The following SLC25A26 variants were observed in gnomAD, a reference collection of about 807,000 sequenced individuals.
The protein encoded by SLC25A26 is solute carrier family 25 member 26.
A neutral mutation model predicts 37.8 loss-of-function variants in SLC25A26; 36 were observed. The observed-to-expected ratio is 0.95, with a 90% CI of 0.73 to 1.26. SLC25A26 has a LOEUF of 1.26. Among genes scored for constraint, SLC25A26 ranks in the 50% most tolerant of loss-of-function variants. SLC25A26 has a pLI of 0.00. For missense variants in SLC25A26, 390 were observed against 331.1 expected, an observed-to-expected ratio of 1.18 and a Z score of -1.38; for synonymous variants, 129 against 122.5, an observed-to-expected ratio of 1.05 and a Z score of -0.35.
chr3:66,295,634 T>C (rs1410113029), intron 5 of SLC25A26, among the ~76,000 whole-genome samples: 1 of 151,640 alleles, frequency 6.6e-6, no homozygotes, highest in African/African-American at 2.4e-5. Context: ...ATCTCCTGAC[T>C]TCGTGATCCG....
chr3:66,311,193 T>G (rs1362929659), intron 5 of SLC25A26, among the ~76,000 whole-genome samples: 2 of 152,086 alleles, frequency 1.3e-5, no homozygotes, highest in Non-Finnish European at 2.9e-5. Context: ...TTCGTTCCTT[T>G]TCATTATTTT....
intron 7 of SLC25A26, among the ~76,000 whole-genome samples, chr3:66,365,597 C>G (rs537091650): frequency 6.6e-6 from 1 of 152,134 alleles, no homozygotes; most frequent in African/African-American, 2.4e-5. Context: ...TGTACATTCT[C>G]TAGGAGAGAA....
chr3:66,147,257 G>C (rs2070133436), intron 1 of SLC25A26, among the ~76,000 whole-genome samples: 1 of 150,938 alleles, frequency 6.6e-6, no homozygotes, highest in African/African-American at 2.4e-5. Flanking sequence ...TCAACCTCCT[G>C]GGTTCAAGCG....
intron 1 of SLC25A26, among the ~76,000 whole-genome samples, chr3:66,138,542 C>T (rs551995719): frequency 1.3e-4 from 19 of 149,330 alleles, no homozygotes; most frequent in South Asian, 8.5e-4. Flanking sequence ...CTTTCTTTCC[C>T]ATCTGTCATG....
At chr3:66,277,943 A>G (rs1294031687) in intron 5 of SLC25A26, among the ~76,000 whole-genome samples, 1 of 152,132 alleles carries the variant, frequency 6.6e-6, no homozygotes, top group Non-Finnish European at 1.5e-5. Flanking sequence ...ATAAAGAAAG[A>G]TGAAAGAACT....
intron 1 of SLC25A26, among the ~76,000 whole-genome samples, chr3:66,153,407 C>T (rs1488987841): frequency 6.6e-6 from 1 of 152,138 alleles, no homozygotes. Context: ...CTTTATTGCC[C>T]TTAAGAATTA....
At chr3:66,274,558 A>G (rs1449030690) in intron 5 of SLC25A26, among the ~76,000 whole-genome samples, 4 of 152,240 alleles carry the variant, frequency 2.6e-5, no homozygotes, top group Admixed American at 2.0e-4. Flanking sequence ...TTACAAGAAA[A>G]AAACAAACAA....
At chr3:66,220,309 G>A (rs1268413026), upstream of SLC25A26, among the ~76,000 whole-genome samples, 3 of 152,170 alleles carry the variant, frequency 2.0e-5, no homozygotes, top group Non-Finnish European at 2.9e-5. Context: ...GATGTAGTTG[G>A]CCCTTAATAT....
At chr3:66,313,938 T>C (rs944721479) in intron 5 of SLC25A26, among the ~76,000 whole-genome samples, 6 of 152,168 alleles carry the variant, frequency 3.9e-5, no homozygotes, top group African/African-American at 1.4e-4. Context: ...AGTTCGTGTA[T>C]AGGAATGCTT....
intron 6 of SLC25A26, among the ~76,000 whole-genome samples, chr3:66,355,799 C>T (rs1268605175): frequency 5.3e-5 from 8 of 152,186 alleles, no homozygotes; most frequent in Admixed American, 5.2e-4. Flanking sequence ...ATCATTGTCT[C>T]CTGTCTTTAA....
chr3:66,199,742 C>T (rs907898362), intron 1 of SLC25A26, among the ~76,000 whole-genome samples: 8 of 151,924 alleles, frequency 5.3e-5, no homozygotes, highest in Non-Finnish European at 1.0e-4. Context: ...TGATCCTGAC[C>T]CCCAGCTGCA....
At chr3:66,317,192 T>G (rs1263029373) in intron 5 of SLC25A26, among the ~76,000 whole-genome samples, 2 of 152,226 alleles carry the variant, frequency 1.3e-5, no homozygotes, top group East Asian at 1.9e-4. Flanking sequence ...GCCCTCTGAC[T>G]TTTTGAGTTT....
chr3:66,314,361 C>G (rs1348374307), intron 5 of SLC25A26, among the ~76,000 whole-genome samples: 1 of 152,046 alleles, frequency 6.6e-6, no homozygotes, highest in Non-Finnish European at 1.5e-5. Context: ...TTTTCTGTGT[C>G]TATTGAGATA....
At chr3:66,227,819 G>T (rs1553661318) in intron 1 of SLC25A26, among the ~76,000 whole-genome samples, 1 of 152,142 alleles carries the variant, frequency 6.6e-6, no homozygotes, top group Non-Finnish European at 1.5e-5. Flanking sequence ...AACAATGTGG[G>T]TTATGATGGC....
intron 5 of SLC25A26, among the ~76,000 whole-genome samples, chr3:66,280,077 G>T (rs900433688): frequency 6.6e-6 from 1 of 152,118 alleles, no homozygotes; most frequent in African/African-American, 2.4e-5. Flanking sequence ...TCACACAATG[G>T]TTTTCCAAGG....
At chr3:66,272,757 C>T (rs909118607) in intron 5 of SLC25A26, among the ~76,000 whole-genome samples, 19 of 152,254 alleles carry the variant, frequency 1.2e-4, no homozygotes, top group African/African-American at 4.6e-4. Context: ...ATTTGACTTC[C>T]TCTCTTCCTA....
At chr3:66,360,475 T>G (rs1465641682) in intron 6 of SLC25A26, among the ~76,000 whole-genome samples, 1 of 152,144 alleles carries the variant, frequency 6.6e-6, no homozygotes, top group Non-Finnish European at 1.5e-5. Context: ...GATGATACGG[T>G]CATCTATGTC....
chr3:66,175,775 C>T (rs937449781), intron 1 of SLC25A26, among the ~76,000 whole-genome samples: 1 of 152,188 alleles, frequency 6.6e-6, no homozygotes, highest in African/African-American at 2.4e-5. Flanking sequence ...GAGGGCTAAC[C>T]TTCTGTTCTA....
intron 5 of SLC25A26, among the ~76,000 whole-genome samples, chr3:66,336,193 G>A (rs2076089639): frequency 1.3e-5 from 2 of 152,132 alleles, no homozygotes; most frequent in South Asian, 4.1e-4. Context: ...AAATTGCTCA[G>A]AAATAGGGAA....
Sources: allele counts gnomAD v4.1 joint callset (sites outside exome capture counted in the v4.1 genomes callset), GRCh38; gene constraint gnomAD v4.1.1; transcripts MANE v1.5; gene names NCBI Gene and HGNC (gene_info 2026-07-23, HGNC 2026-07-21).